ADH7: variants seen among roughly 807,000 people sequenced by gnomAD.
ADH7 encodes alcohol dehydrogenase 7 (class IV), mu or sigma polypeptide.
Under a neutral mutation model 34.4 loss-of-function variants are expected in ADH7, and 41 were observed. The ratio of observed to expected loss-of-function variants is 1.19; its 90% CI spans 0.93 to 1.55. The LOEUF is 1.55. ADH7 is among the 40% of genes most tolerant of loss of function. ADH7 has a pLI of 0.00. For missense variants in ADH7, 540 were observed against 461.2 expected, an observed-to-expected ratio of 1.17 and a Z score of -1.56; for synonymous variants, 180 against 160.9, an observed-to-expected ratio of 1.12 and a Z score of -0.90.
intron 5 of ADH7, among the ~76,000 whole-genome samples, chr4:99,425,453 G>A (rs1278486160): frequency 6.6e-6 from 1 of 152,014 alleles, no homozygotes; most frequent in Non-Finnish European, 1.5e-5. Flanking sequence ...AAGATCAAAA[G>A]AGACAAAGAA....
intron 1 of ADH7, among the ~76,000 whole-genome samples, chr4:99,434,182 C>T (rs968361159): frequency 3.9e-5 from 6 of 152,086 alleles, no homozygotes; most frequent in African/African-American, 1.4e-4. Context: ...TGTAACCAGA[C>T]CTGAAGCATC....
In ADH7 at chr4:99,412,862, A is replaced by C; in HGVS notation, c.*286T>G. 3.1e-6 allele frequency: 1 copy of C among 327,854 alleles called. No individual in the cohort carries two copies. Among genetic ancestry groups the C allele is most frequent in the Non-Finnish European group, 5.5e-6 (1 of 181,324 alleles). 20.3% of individuals were successfully genotyped at this position (327,854 alleles called of 1,614,324 possible). On this transcript the variant is annotated 3_prime_UTR_variant, in exon 9 of 9. Transcript: ENST00000437033. ...CTGGTTAAAACTCTTAAAAATCTCC[A>C]TTTCAACATAGAAATCCAAGTGTAT...
In ADH7 at chr4:99,428,182, A is replaced by G. The variant is rs765603160; in HGVS notation, c.260-8T>C. On this transcript the variant is annotated splice_region_variant and splice_polypyrimidine_tract_variant and intron_variant, in intron 3 of 8. Coordinates refer to ENST00000437033, the MANE Select transcript of ADH7 (RefSeq NM_000673.7). ...GAGGGATGACTTTGTCACCTACAGG[A>G]AAAAAATCATGATATAAGATGCTGT... 80 of 1,609,254 alleles carry G rather than the reference A, an allele frequency of 5.0e-5. 1 individual carries two copies. The highest frequency in any genetic ancestry group is 3.1e-5 in the Non-Finnish European group (37 of 1,175,880).
intron 7 of ADH7, among the ~76,000 whole-genome samples, chr4:99,418,250 C>T (rs1465814784): frequency 6.6e-6 from 1 of 152,080 alleles, no homozygotes; most frequent in Non-Finnish European, 1.5e-5. Context: ...GTATCCTTCG[C>T]TACATTATGT....
chr4:99,424,468 G>C (rs76876825), intron 5 of ADH7, among the ~76,000 whole-genome samples: 36,683 of 151,830 alleles, frequency 0.24, 4,513 homozygotes, highest in Middle Eastern at 0.27. Context: ...ATTACCTTGG[G>C]CAGTATGGCC....
chr4:99,428,737 T>C, intron 2 of ADH7, 107 bp from the exon 3 acceptor site: 1 of 1,382,086 alleles, frequency 7.2e-7, no homozygotes, highest in Non-Finnish European at 9.8e-7. Context: ...TCAATATCTT[T>C]GCCTAATATA....
At chr4:99,423,916 C>A (rs1384665966) in intron 5 of ADH7, among the ~76,000 whole-genome samples, 1 of 151,840 alleles carries the variant, frequency 6.6e-6, no homozygotes, top group Non-Finnish European at 1.5e-5. Context: ...GCTTTTGTTG[C>A]CATTGCTTTT....
At chr4:99,415,346 T>A (rs1721492263) in intron 8 of ADH7, 132 bp downstream of exon 8, 1 of 979,144 alleles carries the variant, frequency 1.0e-6, no homozygotes, top group East Asian at 2.6e-5. Flanking sequence ...TAAAGAGAAG[T>A]AATTAGCTGT....
chr4:99,425,457 C>A (rs1373564108), intron 5 of ADH7, among the ~76,000 whole-genome samples: 1 of 152,056 alleles, frequency 6.6e-6, no homozygotes, highest in Non-Finnish European at 1.5e-5. Flanking sequence ...TCAAAAGAGA[C>A]AAAGAAGGCC....
chr4:99,423,366 G>C (rs1246330781), intron 5 of ADH7, among the ~76,000 whole-genome samples: 32 of 151,576 alleles, frequency 2.1e-4, no homozygotes, highest in Non-Finnish European at 1.9e-4. Flanking sequence ...ATAGCAGCAT[G>C]ATTTATAGTC....
intron 2 of ADH7, 61 bp downstream of exon 2, chr4:99,429,470 TG>T: frequency 8.4e-7 from 1 of 1,197,228 alleles, no homozygotes; most frequent in South Asian, 1.3e-5. Context: ...CTCACAACAG[TG>T]CTATATTCAA....
At chr4:99,429,985 T>C (rs989368771) in intron 1 of ADH7, among the ~76,000 whole-genome samples, 2 of 152,194 alleles carry the variant, frequency 1.3e-5, no homozygotes, top group African/African-American at 4.8e-5. Context: ...TCAAATCTAA[T>C]AGATTAACAA....
chr4:99,415,460 A>T lies in ADH7; in HGVS notation c.1100+18T>A, dbSNP rs766409464. ...TAGCCTGTGGAGAAGAGACAAGATC[A>T]TCATAAGAAACAGTTACCTTTGTCC... On this transcript the variant is annotated intron_variant, in intron 8 of 8. Coordinates refer to ENST00000437033, the MANE Select transcript of ADH7 (RefSeq NM_000673.7). 1.1e-5 allele frequency: 17 copies of T among 1,606,818 alleles called. No individual in the cohort carries two copies. Among genetic ancestry groups the T allele is most frequent in the Non-Finnish European group, 1.4e-5 (17 of 1,176,978 alleles).
At chr4:99,424,238 A>C (rs1383080583) in intron 5 of ADH7, among the ~76,000 whole-genome samples, 2 of 152,176 alleles carry the variant, frequency 1.3e-5, no homozygotes, top group Admixed American at 1.3e-4. Flanking sequence ...ATTGATCTAC[A>C]TCTCTGTTTT....
chr4:99,426,641 A>T (rs992493428), intron 5 of ADH7, among the ~76,000 whole-genome samples: 2 of 152,158 alleles, frequency 1.3e-5, no homozygotes, highest in African/African-American at 4.8e-5. Context: ...ACAAGGAGGA[A>T]CTGGTACCAT....
chr4:99,414,525 A>T (rs1368393740), intron 8 of ADH7, among the ~76,000 whole-genome samples: 2 of 152,156 alleles, frequency 1.3e-5, no homozygotes, highest in African/African-American at 2.4e-5. Context: ...ATGAATTCAT[A>T]CTTGACCTCT....
At chr4:99,413,200 G>T (rs1266861257) in intron 8 of ADH7, 28 bp from the exon 9 acceptor site, 2 of 1,611,514 alleles carry the variant, frequency 1.2e-6, no homozygotes, top group Admixed American at 1.7e-5. Context: ...AGTTTTTAAT[G>T]ACTTGTTTTC....
intron 5 of ADH7, among the ~76,000 whole-genome samples, chr4:99,423,505 G>A (rs1344825087): frequency 6.6e-6 from 1 of 151,446 alleles, no homozygotes; most frequent in Non-Finnish European, 1.5e-5. Flanking sequence ...CAGTGTAAAA[G>A]TGTTCCTATT....
rs146212255 is a variant in ADH7, at chr4:99,429,553, C to T, written c.99G>A (p.Lys33=). The change falls in exon 2 of 9, where the codon AAG becomes AAA. Residue 33 remains lysine, a synonymous_variant. Coordinates refer to ENST00000437033, the MANE Select transcript of ADH7 (RefSeq NM_000673.7). ...SIEEIEVAPP[K]TKEVRIKILA... ...TTACCTTAATGCGAACTTCTTTAGT[C>T]TTTGGTGGGGCAACTTCTATTTCCT... The T allele has an allele frequency of 9.9e-5, 159 of 1,611,950 alleles. No individual in the cohort carries two copies. The highest frequency in any genetic ancestry group is 1.3e-4 in the Non-Finnish European group (148 of 1,178,988).
Sources: allele counts gnomAD v4.1 joint callset (sites outside exome capture counted in the v4.1 genomes callset), GRCh38; gene constraint gnomAD v4.1.1; transcripts MANE v1.5; gene names NCBI Gene and HGNC (gene_info 2026-07-23, HGNC 2026-07-21).